CPAMD8: variants seen among roughly 807,000 people sequenced by gnomAD.
The protein encoded by CPAMD8 is C3 and PZP like alpha-2-macroglobulin domain containing 8, also known as C3 and PZP-like alpha-2-macroglobulin domain-containing protein 8.
CPAMD8 carries 146 observed loss-of-function variants against 224.7 expected under a neutral mutation model. The observed-to-expected ratio is 0.65, with a 90% CI of 0.57 to 0.75. The LOEUF (loss-of-function observed/expected upper bound fraction) is 0.75. Ranked by LOEUF, CPAMD8 falls within the 30% of genes least tolerant of loss-of-function variation. The pLI is 0.00. For missense variants in CPAMD8, 2,301 were observed against 2,537.5 expected, an observed-to-expected ratio of 0.91 and a Z score of 2.00; for synonymous variants, 966 against 1,044.6, an observed-to-expected ratio of 0.92 and a Z score of 1.45.
At position 17,026,611 on chromosome 19, in the gene CPAMD8, G is replaced by C. The variant is rs776785170; in HGVS notation, c.32C>G (p.Pro11Arg). The C allele has an allele frequency of 1.1e-5, 16 of 1,514,476 alleles. No individual in the cohort carries two copies. In the South Asian group the frequency reaches 1.4e-4, roughly 14 times the overall value. The allele number at this position is 1,514,476 out of a possible 1,614,324, so 93.8% of individuals were successfully genotyped here. Residue 11 changes from proline to arginine, a missense_variant, in exon 1 of 42, where the codon CCG becomes CGG. Around this residue, in one of 4 missense-constraint regions of CPAMD8, gnomAD observed 283 missense variants for 340.6 expected, o/e 0.83. Transcript: ENST00000443236. MSGALLWPLL[P>R]LLLLLLSARD... Reference sequence around the variant, plus strand: ...CGCCGACAGCAGCAGGAGCAGGAGCGGGAGCAACGGCCAGAGCAGGGCGCC... The same window carrying C: ...CGCCGACAGCAGCAGGAGCAGGAGCCGGAGCAACGGCCAGAGCAGGGCGCC...
At chr19:16,937,058 C>CTCCTTCCTTCCTTCCT (rs1392841393) in intron 23 of CPAMD8, among the ~76,000 whole-genome samples, 1 of 104,554 alleles carries the variant, frequency 9.6e-6, no homozygotes, top group African/African-American at 5.2e-5. Context: ...CCTTCCTTCC[C>CTCCTTCCTTCCTTCCT]TCCTGCCTTC....
intron 29 of CPAMD8, among the ~76,000 whole-genome samples, chr19:16,912,724 A>G (rs1164095013): frequency 6.6e-6 from 1 of 152,162 alleles, no homozygotes; most frequent in African/African-American, 2.4e-5. Context: ...GAATCACTTG[A>G]ACCCAGGAGG....
At chr19:16,915,481 G>A (rs2052915483) in intron 27 of CPAMD8, among the ~76,000 whole-genome samples, 1 of 152,160 alleles carries the variant, frequency 6.6e-6, no homozygotes, top group Non-Finnish European at 1.5e-5. Flanking sequence ...AGTGTGAGCT[G>A]ATGTTCAGAA....
At chr19:16,999,596 A>AAAAG (rs2056246490) in intron 10 of CPAMD8, among the ~76,000 whole-genome samples, 1 of 150,082 alleles carries the variant, frequency 6.7e-6, no homozygotes, top group African/African-American at 2.5e-5. Flanking sequence ...AAAAAAAAAA[A>AAAAG]AAAAGAAAAG....
chr19:16,953,824 A>G (rs1178782821), intron 19 of CPAMD8, among the ~76,000 whole-genome samples: 3 of 152,220 alleles, frequency 2.0e-5, no homozygotes, highest in Non-Finnish European at 1.5e-5. Flanking sequence ...AATTACTTGA[A>G]TAGACATTTC....
chr19:16,990,122 C>T (rs998248774), intron 12 of CPAMD8, among the ~76,000 whole-genome samples: 9 of 151,802 alleles, frequency 5.9e-5, no homozygotes, highest in Admixed American at 1.3e-4. Flanking sequence ...GGAGTAGTGG[C>T]GCATGCCTGT....
chr19:16,974,314 T>C (rs1444335799), intron 17 of CPAMD8, among the ~76,000 whole-genome samples: 1 of 151,950 alleles, frequency 6.6e-6, no homozygotes, highest in Non-Finnish European at 1.5e-5. Flanking sequence ...AAACTGGAGC[T>C]GGGCACAGTG....
chr19:16,971,149 C>G, intron 17 of CPAMD8, 116 bp from the exon 18 acceptor site: 1 of 853,208 alleles, frequency 1.2e-6, no homozygotes, highest in African/African-American at 1.7e-5. Flanking sequence ...TTGTGGCAAC[C>G]TTGGGGGCAT....
chr19:16,979,708 G>A (rs2055438533), intron 14 of CPAMD8, among the ~76,000 whole-genome samples: 1 of 152,102 alleles, frequency 6.6e-6, no homozygotes, highest in Admixed American at 6.5e-5. Flanking sequence ...TGGGGTGGAG[G>A]CCAGGGATGC....
chr19:16,946,101 ATGTG>A (rs889543093), intron 21 of CPAMD8, among the ~76,000 whole-genome samples: 2 of 150,776 alleles, frequency 1.3e-5, no homozygotes, highest in African/African-American at 4.9e-5. Context: ...GCATGTGTGT[ATGTG>A]TGTGCATGTG....
chr19:16,919,657 T>C (rs532818946), intron 27 of CPAMD8, among the ~76,000 whole-genome samples: 4 of 152,394 alleles, frequency 2.6e-5, no homozygotes, highest in African/African-American at 9.6e-5. Context: ...TGGATAACTA[T>C]TGCATCTCTC....
chr19:16,904,174 G>GGAGGCCCCCCCCCCCCCCCCCA, intron 32 of CPAMD8, 52 bp downstream of exon 32: 1 of 1,120,742 alleles, frequency 8.9e-7, no homozygotes, highest in Non-Finnish European at 1.3e-6. Context: ...AGGACTGCAG[G>GGAGGCCCCCCCCCCCCCCCCCA]GACCCCACCC....
chr19:16,907,275 T>C (rs2052557724), intron 29 of CPAMD8, among the ~76,000 whole-genome samples, 158 bp from the exon 30 acceptor site: 1 of 149,318 alleles, frequency 6.7e-6, no homozygotes, highest in African/African-American at 2.5e-5. Context: ...GACCCAATTT[T>C]CAAACCCCAT....
chr19:16,970,993 T>C lies in CPAMD8; in HGVS notation c.2111A>G (p.Asn704Ser), dbSNP rs1378865648. 2 of 1,612,870 alleles carry C rather than the reference T, an allele frequency of 1.2e-6. No homozygotes were observed. Among genetic ancestry groups the C allele is most frequent in the Non-Finnish European group, 1.7e-6 (2 of 1,179,452 alleles). The change falls in exon 18 of 42, where the codon AAC (asparagine) becomes AGC (serine). Residue 704 changes from asparagine to serine, a missense_variant. Asn to Ser is a conservative substitution (Grantham distance 46). Around this residue, in one of 4 missense-constraint regions of CPAMD8, gnomAD observed 1,709 missense variants for 1,753.2 expected, o/e 0.97. Coordinates refer to ENST00000443236, the MANE Select transcript of CPAMD8 (RefSeq NM_015692.5). ...GTAGAGGCCACCGTCCTGCCGGTGG[T>C]TCAGGCTCACTCGGTCGGTCATCAC... ...LVVMTDRVSLNHRQDGGLYTD... is the reference protein window; with the variant it reads ...LVVMTDRVSLSHRQDGGLYTD...
rs997889515 is a variant in CPAMD8 at position 17,001,095 on chromosome 19, G to A, written c.759-573C>T. Among the ~76,000 whole-genome samples, 6 of 152,154 alleles carry A rather than the reference G, an allele frequency of 3.9e-5. 1 individual carries two copies. The South Asian group carries it at 6.2e-4, about 16-fold the overall frequency. ...CCAGCACTTTGGGAGGCCAAGGTGG[G>A]CAGATCACTTGAGGTCAGGAGTTCG... On this transcript the variant is annotated intron_variant, in intron 9 of 41. Transcript: ENST00000443236.
In CPAMD8 at chr19:16,980,378, C is replaced by T. The variant is rs2055465295; in HGVS notation, c.1585+119G>A. 4 of 899,536 alleles carry T rather than the reference C, an allele frequency of 4.4e-6. No individual in the cohort carries two copies. In the East Asian group the frequency reaches 1.1e-4, roughly 24 times the overall value. The allele number at this position is 899,536 out of a possible 1,614,324, so 55.7% of individuals were successfully genotyped here. A position where few individuals can be genotyped will look rare whatever the true frequency, so the allele number is the denominator to read the frequency against. ...ATTGTTAAGGATGTGTCCCCTCTGA[C>T]CCAAGGCATGCTCCCCTCTCTGCTG... On this transcript the variant is annotated intron_variant, in intron 14 of 41. Transcript: ENST00000443236.
intron 7 of CPAMD8, 66 bp downstream of exon 7, chr19:17,008,438 GC>G: frequency 1.3e-6 from 2 of 1,573,748 alleles, no homozygotes; most frequent in Non-Finnish European, 1.7e-6. Flanking sequence ...CCTGGACAGA[GC>G]ATATTCTGTT....
At chr19:16,957,420 C>CTT (rs2054508001) in intron 19 of CPAMD8, 1 of 158,126 alleles carries the variant, frequency 6.3e-6, no homozygotes, top group African/African-American at 2.4e-5. Context: ...TACACTCCTG[C>CTT]TTCAAAGAGA....
chr19:16,919,646 G>A (rs2053093585), intron 27 of CPAMD8, among the ~76,000 whole-genome samples: 1 of 152,252 alleles, frequency 6.6e-6, no homozygotes, highest in Non-Finnish European at 1.5e-5. Flanking sequence ...TTACACAGCA[G>A]TGGATAACTA....
Sources: gnomAD v4.1 joint callset for allele counts (sites outside exome capture counted in the v4.1 genomes callset) on GRCh38, gnomAD v4.1.1 for gene constraint, gnomAD v4.1.1 regional missense constraint, MANE v1.5 for transcripts, NCBI Gene and HGNC (gene_info 2026-07-23, HGNC 2026-07-21) for gene names.